ZC2HC1C: variants seen among roughly 807,000 people sequenced by gnomAD.
ZC2HC1C encodes zinc finger C2HC-type containing 1C, also known as zinc finger C2HC domain-containing protein 1C.
Under a neutral mutation model 39.2 loss-of-function variants are expected in ZC2HC1C, and 25 were observed. The observed-to-expected ratio is 0.64, with a 90% CI of 0.47 to 0.89. The LOEUF is 0.89. Ranked by LOEUF, ZC2HC1C falls within the 40% of genes least tolerant of loss-of-function variation. The probability of loss-of-function intolerance (pLI) is 0.00; values close to 1 mark genes in which losing one functional copy is unlikely to be tolerated. For synonymous variants in ZC2HC1C, 209 were observed against 214.4 expected (o/e 0.97, Z 0.22); for missense variants, 519 against 548.6 (o/e 0.95, Z 0.54).
In ZC2HC1C at chr14:75,071,588, C is replaced by T. The variant is rs747258482; in HGVS notation, c.1015C>T (p.Arg339Ter). The stretch of plus-strand genomic sequence containing the variant: ...GCTGGTAGCAAGCAATAATAAAATT[C>T]GAGACCCAGTCTCAGAGCCATCGGT... ...ERLVASNNKI[R>*]DPVSEPSVEK... Residue 339 changes from arginine to a stop codon, truncating the protein, a stop_gained, in exon 2 of 3, where the codon CGA becomes TGA. Coordinates refer to ENST00000524913, the MANE Select transcript of ZC2HC1C (RefSeq NM_024643.4). LOFTEE classifies it high-confidence loss of function. 36 of 1,614,000 alleles carry T rather than the reference C, an allele frequency of 2.2e-5. No individual in the cohort carries two copies. Among genetic ancestry groups the T allele is most frequent in the Admixed American group, 3.3e-5 (2 of 59,988 alleles).
At chr14:75,071,978 A>T in intron 2 of ZC2HC1C, 67 bp downstream of exon 2, 11 of 1,504,146 alleles carry the variant, frequency 7.3e-6, no homozygotes, top group Non-Finnish European at 9.7e-6. Context: ...TGTCATCATC[A>T]GTTTTCTTTA....
At chr14:75,074,518 C>T (rs175497) in intron 2 of ZC2HC1C, among the ~76,000 whole-genome samples, 150,669 of 152,334 alleles carry the variant, frequency 0.99, 74,523 homozygotes, top group East Asian at 1. Flanking sequence ...TCCATATTTC[C>T]AAATAATATG....
intron 2 of ZC2HC1C, among the ~76,000 whole-genome samples, chr14:75,072,321 G>A (rs2139678138): frequency 6.6e-6 from 1 of 152,316 alleles, no homozygotes; most frequent in Admixed American, 6.5e-5. Context: ...GCAGCCTTTT[G>A]TCACCTGGAG....
chr14:75,070,482 AT>A (rs1893310191), intron 1 of ZC2HC1C, 72 bp from the exon 2 acceptor site: 6 of 1,495,476 alleles, frequency 4.0e-6, no homozygotes, highest in Non-Finnish European at 5.4e-6. Context: ...AAATGTAGAA[AT>A]AGTTTGCTTT....
At position 75,078,512 on chromosome 14, in the gene ZC2HC1C, A is replaced by G. The variant is rs1361069646; in HGVS notation, c.*948A>G. 6.6e-6 allele frequency: 1 copy of G among 152,210 alleles called. No individual in the cohort carries two copies. Among genetic ancestry groups the G allele is most frequent in the East Asian group, 1.9e-4 (1 of 5,194 alleles). The allele number at this position is 152,210 out of a possible 1,614,324, so 9.4% of individuals were successfully genotyped here. A position where few individuals can be genotyped will look rare whatever the true frequency, so the allele number is the denominator to read the frequency against. On this transcript the variant is annotated 3_prime_UTR_variant, in exon 3 of 3. Transcript: ENST00000524913. Reference sequence around the variant, plus strand: ...TCTAATGGGTTTCATATGTTAAGAAAGAAACCTCCATTTTAGCTGTTAGTA... The same window carrying G: ...TCTAATGGGTTTCATATGTTAAGAAGGAAACCTCCATTTTAGCTGTTAGTA...
chr14:75,076,260 T>G (rs1368368402), intron 2 of ZC2HC1C, among the ~76,000 whole-genome samples: 1 of 152,118 alleles, frequency 6.6e-6, no homozygotes, highest in Non-Finnish European at 1.5e-5. Flanking sequence ...TTTACAACAT[T>G]TCTATTTATT....
intron 1 of ZC2HC1C, 72 bp from the exon 2 acceptor site, chr14:75,070,483 T>C: frequency 6.7e-7 from 1 of 1,494,458 alleles, no homozygotes; most frequent in Non-Finnish European, 9.0e-7. Flanking sequence ...AATGTAGAAA[T>C]AGTTTGCTTT....
intron 2 of ZC2HC1C, among the ~76,000 whole-genome samples, chr14:75,076,042 G>A (rs1249863614): frequency 5.3e-5 from 8 of 152,078 alleles, no homozygotes; most frequent in Non-Finnish European, 1.2e-4. Context: ...GGGTGACAAA[G>A]CAAGACTCCA....
intron 2 of ZC2HC1C, among the ~76,000 whole-genome samples, chr14:75,074,051 A>G (rs928785259): frequency 2.6e-5 from 4 of 152,132 alleles, no homozygotes; most frequent in Admixed American, 2.0e-4. Flanking sequence ...CTGGGATTAC[A>G]GGTGCCCGCC....
chr14:75,071,463 G>C lies in ZC2HC1C; in HGVS notation c.890G>C (p.Ser297Thr). Residue 297 changes from serine to threonine, a missense_variant, in exon 2 of 3, where the codon AGT becomes ACT. Transcript: ENST00000524913. The stretch of plus-strand genomic sequence containing the variant: ...GAATTTGAGTTTGAGGAAGAATTTA[G>C]TAGAGACAGGAGAGAGGATGAAACT... ...SPEFEFEEEF[S>T]RDRREDETWG... 3 of 1,614,160 alleles carry C rather than the reference G, an allele frequency of 1.9e-6. No homozygotes were observed. The highest frequency in any genetic ancestry group is 2.5e-6 in the Non-Finnish European group (3 of 1,180,030).
At position 75,078,954 on chromosome 14, in the gene ZC2HC1C, G is replaced by C. The variant is rs1000686640; in HGVS notation, c.*1390G>C. 9.2e-5 allele frequency: 14 copies of C among 152,190 alleles called. No individual in the cohort carries two copies. Among genetic ancestry groups the C allele is most frequent in the Non-Finnish European group, 4.4e-5 (3 of 68,030 alleles). The allele number at this position is 152,190 out of a possible 1,614,324, so 9.4% of individuals were successfully genotyped here. A position where few individuals can be genotyped will look rare whatever the true frequency, so the allele number is the denominator to read the frequency against. ...AGTGAGTCCTACACTAGTGAAATCA[G>C]AGAACTGATAAGTTAATGTCTGCGA... On this transcript the variant is annotated 3_prime_UTR_variant, in exon 3 of 3. Transcript: ENST00000524913.
intron 2 of ZC2HC1C, 74 bp from the exon 3 acceptor site, chr14:75,077,458 A>C (rs966922594): frequency 1.3e-6 from 2 of 1,573,484 alleles, no homozygotes; most frequent in Admixed American, 1.7e-5. Flanking sequence ...TCATTTTCTT[A>C]CTGTTATTCT....
In ZC2HC1C at chr14:75,070,589, C is replaced by A; in HGVS notation, c.16C>A (p.Arg6=). The A allele has an allele frequency of 6.2e-7, 1 of 1,610,380 alleles. No homozygotes were observed. The highest frequency in any genetic ancestry group is 8.5e-7 in the Non-Finnish European group (1 of 1,178,116). MAGLQ[R]LASHLPVGVM... is the part of the protein sequence containing the mutation. Reference sequence around the variant, plus strand: ...CAGGCCCTGAATGGCTGGTCTCCAGCGGTTGGCGTCACATCTGCCTGTGGG... The same window carrying A: ...CAGGCCCTGAATGGCTGGTCTCCAGAGGTTGGCGTCACATCTGCCTGTGGG... The change falls in exon 2 of 3, where the codon CGG becomes AGG. Residue 6 remains arginine, a synonymous_variant. Transcript: ENST00000524913.
Position 75,070,760 on chromosome 14 carries a change from T to C in ZC2HC1C, c.187T>C (p.Leu63=), listed in dbSNP as rs1476177126. The change falls in exon 2 of 3, where the codon TTG becomes CTG. Residue 63 remains leucine (L), a synonymous_variant. Transcript: ENST00000524913. ...FQKQLLSNKE[L]ILDKVYTHPK... Reference sequence around the variant, plus strand: ...GAAGCAGCTTTTGAGCAACAAAGAGTTGATTCTGGATAAAGTCTATACTCA... The same window carrying C: ...GAAGCAGCTTTTGAGCAACAAAGAGCTGATTCTGGATAAAGTCTATACTCA... The C allele has an allele frequency of 3.1e-6, 5 of 1,613,750 alleles. No homozygotes were observed. The East Asian group carries it at 1.1e-4, about 36-fold the overall frequency.
rs1418256041 is a variant in ZC2HC1C at position 75,078,749 on chromosome 14, G to A, written c.*1185G>A. The A allele has an allele frequency of 6.6e-6, 1 of 152,166 alleles. No individual in the cohort carries two copies. The highest frequency in any genetic ancestry group is 2.4e-5 in the African/African-American group (1 of 41,430). 9.4% of individuals were successfully genotyped at this position (152,166 alleles called of 1,614,324 possible). A position where few individuals can be genotyped will look rare whatever the true frequency, so the allele number is the denominator to read the frequency against. Reference sequence around the variant, plus strand: ...CCATCTCAAAACAAAACAAAGCTGGGACACTGCACAGTGTCACATGCCCTT... The same window carrying A: ...CCATCTCAAAACAAAACAAAGCTGGAACACTGCACAGTGTCACATGCCCTT... On this transcript the variant is annotated 3_prime_UTR_variant, in exon 3 of 3. Coordinates refer to ENST00000524913, the MANE Select transcript of ZC2HC1C (RefSeq NM_024643.4).
chr14:75,070,821 A>G lies in ZC2HC1C; in HGVS notation c.248A>G (p.Tyr83Cys), dbSNP rs1302233023. 3 of 1,613,982 alleles carry G rather than the reference A, an allele frequency of 1.9e-6. No homozygotes were observed. Among genetic ancestry groups the G allele is most frequent in the Non-Finnish European group, 2.5e-6 (3 of 1,180,032 alleles). Residue 83 changes from tyrosine (Y) to cysteine (C), a missense_variant, in exon 2 of 3, where the codon TAC becomes TGC. By Grantham distance (194) the Tyr-to-Cys change is radical. Coordinates refer to ENST00000524913, the MANE Select transcript of ZC2HC1C (RefSeq NM_024643.4). ...KWNTQTKARS[Y>C]SYPHCTGISQ... Reference sequence around the variant, plus strand: ...AACACCCAAACAAAAGCCCGGAGCTACTCCTATCCCCACTGTACTGGAATC... The same window carrying G: ...AACACCCAAACAAAAGCCCGGAGCTGCTCCTATCCCCACTGTACTGGAATC...
In ZC2HC1C at chr14:75,071,844, C is replaced by T; in HGVS notation, c.1271C>T (p.Ser424Phe). Residue 424 changes from serine to phenylalanine, a missense_variant, in exon 2 of 3, where the codon TCC (serine) becomes TTC (phenylalanine). Physicochemically the swap from Ser to Phe is radical, Grantham distance 155 (BLOSUM62 -2). Coordinates refer to ENST00000524913, the MANE Select transcript of ZC2HC1C (RefSeq NM_024643.4). ...TCCAAGAGGAAAGTGTTTGACTCCTCCAGGGCCCGGGCTAAGGGCACAGAA... is the reference window on the plus strand; with the variant it reads ...TCCAAGAGGAAAGTGTTTGACTCCTTCAGGGCCCGGGCTAAGGGCACAGAA... ...RGSKRKVFDS[S>F]RARAKGTELE... The T allele has an allele frequency of 5.0e-6, 8 of 1,614,042 alleles. No homozygotes were observed. Among genetic ancestry groups the T allele is most frequent in the Non-Finnish European group, 6.8e-6 (8 of 1,179,952 alleles).
chr14:75,076,090 AAAC>A (rs774780809), intron 2 of ZC2HC1C, among the ~76,000 whole-genome samples: 5 of 151,954 alleles, frequency 3.3e-5, no homozygotes, highest in Non-Finnish European at 5.9e-5. Context: ...AAACAAAACA[AAAC>A]AACAATAATT....
At chr14:75,073,590 G>A in intron 2 of ZC2HC1C, 1 of 1,289,366 alleles carries the variant, frequency 7.8e-7, no homozygotes, top group South Asian at 1.2e-5. Flanking sequence ...TTTGGAAGCT[G>A]AGTGGTTGTA....
Sources: gnomAD v4.1 joint callset for allele counts (sites outside exome capture counted in the v4.1 genomes callset) on GRCh38, gnomAD v4.1.1 for gene constraint, MANE v1.5 for transcripts, NCBI Gene and HGNC (gene_info 2026-07-23, HGNC 2026-07-21) for gene names.